Variants in UHRF2 observed in about 807,000 individuals in gnomAD.
The protein encoded by UHRF2 is E3 ubiquitin-protein ligase UHRF2.
UHRF2 carries 23 observed loss-of-function variants against 96.8 expected under a neutral mutation model. The observed-to-expected ratio is 0.24, with a 90% CI of 0.17 to 0.34. The LOEUF (loss-of-function observed/expected upper bound fraction) is 0.34. Ranked by LOEUF, UHRF2 falls within the 10% of genes least tolerant of loss-of-function variation. The pLI is 1.00. For synonymous variants in UHRF2, 385 were observed against 332.6 expected (o/e 1.16, Z -1.72); for missense variants, 685 against 981.5 (o/e 0.70, Z 4.04).
chr9:6,504,406 T>G, intron 14 of UHRF2, 187 bp from the exon 15 acceptor site: 1 of 403,778 alleles, frequency 2.5e-6, no homozygotes, highest in Admixed American at 4.2e-5. Context: ...ACATGTGAAA[T>G]TTTGATATGT....
At chr9:6,505,777 C>G (rs563974617) in intron 15 of UHRF2, among the ~76,000 whole-genome samples, 1 of 152,282 alleles carries the variant, frequency 6.6e-6, no homozygotes, top group African/African-American at 2.4e-5. Context: ...ATCTCTAACT[C>G]CACCATTTTA....
chr9:6,505,268 AAT>A (rs916906476), intron 15 of UHRF2, among the ~76,000 whole-genome samples: 1 of 151,708 alleles, frequency 6.6e-6, no homozygotes, highest in African/African-American at 2.4e-5. Context: ...AGTGCTGCTA[AAT>A]ATATATATAT....
intron 3 of UHRF2, among the ~76,000 whole-genome samples, chr9:6,451,890 T>A (rs1212649849): frequency 1.3e-5 from 2 of 152,126 alleles, no homozygotes; most frequent in Non-Finnish European, 2.9e-5. Context: ...GTTCAAGCGA[T>A]TCTCCTGCCT....
intron 4 of UHRF2, 78 bp downstream of exon 4, chr9:6,460,869 C>G (rs1822497053): frequency 1.7e-6 from 2 of 1,167,254 alleles, no homozygotes; most frequent in Non-Finnish European, 2.4e-6. Flanking sequence ...AGCACGTGTA[C>G]CTTAGTAAAA....
intron 4 of UHRF2, among the ~76,000 whole-genome samples, chr9:6,464,495 T>G (rs1354044785): frequency 6.6e-6 from 1 of 152,216 alleles, no homozygotes; most frequent in East Asian, 1.9e-4. Context: ...TTCTATGTCT[T>G]TCTTAAAGAT....
chr9:6,499,732 C>T (rs1825166476), intron 12 of UHRF2, 103 bp from the exon 13 acceptor site: 6 of 596,922 alleles, frequency 1.0e-5, no homozygotes, highest in Non-Finnish European at 1.7e-5. Context: ...GTTTGGGGAA[C>T]GTGTAGTCTT....
At position 6,434,234 on chromosome 9, in the gene UHRF2, C is replaced by T. The variant is rs866938255; in HGVS notation, c.644+61C>T. On this transcript the variant is annotated intron_variant, in intron 3 of 15. Transcript: ENST00000276893. ...TTTCATTTGTAGAAACCAAAGCCTTCTATTTCAAGATTATTTTAAATAGTC... is the reference window on the plus strand; with the variant it reads ...TTTCATTTGTAGAAACCAAAGCCTTTTATTTCAAGATTATTTTAAATAGTC... 3.3e-6 allele frequency: 5 copies of T among 1,505,548 alleles called. No individual in the cohort carries two copies. The East Asian group carries it at 1.1e-4, about 34-fold the overall frequency. The allele number at this position is 1,505,548 out of a possible 1,614,324, so 93.3% of individuals were successfully genotyped here. A position where few individuals can be genotyped will look rare whatever the true frequency, so the allele number is the denominator to read the frequency against.
At chr9:6,468,374 G>C (rs776261089) in intron 4 of UHRF2, 2 of 451,364 alleles carry the variant, frequency 4.4e-6, no homozygotes, top group South Asian at 1.6e-5. Flanking sequence ...GCTGGCAGTA[G>C]ATTAGTGCTT....
intron 2 of UHRF2, among the ~76,000 whole-genome samples, chr9:6,425,659 A>G (rs1257664453): frequency 6.6e-6 from 1 of 152,048 alleles, no homozygotes; most frequent in African/African-American, 2.4e-5. Flanking sequence ...GCTACTCGGG[A>G]GGCTGAGGCA....
intron 2 of UHRF2, chr9:6,422,842 C>T (rs978300257): frequency 2.5e-6 from 1 of 393,322 alleles, no homozygotes; most frequent in African/African-American, 2.1e-5. Flanking sequence ...TTTCTGGTAG[C>T]TTTGTTTTTG....
At chr9:6,473,170 G>A (rs1162186827) in intron 4 of UHRF2, among the ~76,000 whole-genome samples, 2 of 152,170 alleles carry the variant, frequency 1.3e-5, no homozygotes, top group Non-Finnish European at 2.9e-5. Context: ...AGTCTGCTAA[G>A]TTCTCGTCAG....
At chr9:6,468,978 G>A (rs1032735200) in intron 4 of UHRF2, among the ~76,000 whole-genome samples, 5 of 152,080 alleles carry the variant, frequency 3.3e-5, no homozygotes, top group South Asian at 2.1e-4. Flanking sequence ...GCTCCATGAC[G>A]GAGGCAAAAA....
intron 5 of UHRF2, among the ~76,000 whole-genome samples, chr9:6,476,438 G>A (rs1823576338): frequency 1.3e-5 from 2 of 152,224 alleles, no homozygotes; most frequent in East Asian, 3.9e-4. Context: ...TTGAATTTCT[G>A]GGAGGTAATA....
At chr9:6,413,865 C>T (rs1362723785) in intron 1 of UHRF2, 3 of 476,680 alleles carry the variant, frequency 6.3e-6, no homozygotes, top group African/African-American at 6.1e-5. Flanking sequence ...CGCGCGGGGT[C>T]AGAAGTGAGG....
chr9:6,413,818 G>T, intron 1 of UHRF2, 175 bp downstream of exon 1: 1 of 781,264 alleles, frequency 1.3e-6, no homozygotes, highest in South Asian at 3.1e-5. Flanking sequence ...CCGAATGGTG[G>T]GGAGTGGGTC....
At chr9:6,496,497 G>T (rs979090799) in intron 10 of UHRF2, 1 of 152,140 alleles carries the variant, frequency 6.6e-6, no homozygotes, top group African/African-American at 2.4e-5. Context: ...GCTAAGTCAG[G>T]TACTACTTCC....
At chr9:6,445,538 G>C (rs1175063736) in intron 3 of UHRF2, among the ~76,000 whole-genome samples, 4 of 152,154 alleles carry the variant, frequency 2.6e-5, no homozygotes, top group Non-Finnish European at 4.4e-5. Context: ...TGGAATTACA[G>C]AGGTGAGCCA....
intron 3 of UHRF2, among the ~76,000 whole-genome samples, chr9:6,449,073 C>A (rs919615730): frequency 6.6e-6 from 1 of 152,148 alleles, no homozygotes; most frequent in Non-Finnish European, 1.5e-5. Flanking sequence ...AAGTCCTGAA[C>A]CTTATATGAT....
chr9:6,493,580 C>T (rs1824799991), intron 9 of UHRF2, among the ~76,000 whole-genome samples: 4 of 152,136 alleles, frequency 2.6e-5, no homozygotes. Context: ...ACATATATAG[C>T]ATGAGACTAA....
Sources: gnomAD v4.1 joint callset for allele counts (sites outside exome capture counted in the v4.1 genomes callset) on GRCh38, gnomAD v4.1.1 for gene constraint, MANE v1.5 for transcripts, NCBI Gene and HGNC (gene_info 2026-07-23, HGNC 2026-07-21) for gene names.